TXNDC5: variants seen among roughly 807,000 people sequenced by gnomAD.
TXNDC5 encodes the protein thioredoxin domain-containing protein 5.
Under a neutral mutation model 52.6 loss-of-function variants are expected in TXNDC5, and 44 were observed. The observed-to-expected ratio is 0.84, with a 90% confidence interval of 0.66 to 1.08. The LOEUF is 1.08. TXNDC5 is among the 50% of genes least tolerant of loss of function. The probability of loss-of-function intolerance (pLI) is 0.00; values close to 1 mark genes in which losing one functional copy is unlikely to be tolerated. For missense variants in TXNDC5, 600 were observed against 565.5 expected (o/e 1.06, Z -0.62); for synonymous variants, 241 against 234.4 (o/e 1.03, Z -0.26).
At chr6:7,883,532 G>C (rs953565630) in intron 9 of TXNDC5, among the ~76,000 whole-genome samples, 1 of 152,174 alleles carries the variant, frequency 6.6e-6, no homozygotes. Flanking sequence ...GACGCTTTCA[G>C]TCTTTACTGT....
At chr6:7,910,414 C>T (rs1209714526) in intron 1 of TXNDC5, 100 bp downstream of exon 1, 118 of 1,201,246 alleles carry the variant, frequency 9.8e-5, no homozygotes, top group Middle Eastern at 6.6e-4. Context: ...GAGCCGTCGG[C>T]GTCCACGTGG....
chr6:7,895,273 G>A, intron 3 of TXNDC5, 71 bp from the exon 4 acceptor site: 1 of 1,419,752 alleles, frequency 7.0e-7, no homozygotes, highest in Non-Finnish European at 9.6e-7. Context: ...GGAGGTGACT[G>A]TGTCTGTGGG....
chr6:7,910,349 A>G (rs1470819657), intron 1 of TXNDC5, among the ~76,000 whole-genome samples, 165 bp downstream of exon 1: 1 of 142,300 alleles, frequency 7.0e-6, no homozygotes, highest in East Asian at 2.1e-4. Context: ...CCAGTATTAC[A>G]CCCCGCACCC....
In TXNDC5 at chr6:7,884,460, T is replaced by C. The variant is rs1261443929; in HGVS notation, c.1075A>G (p.Thr359Ala). 4 of 1,614,058 alleles carry C rather than the reference T, an allele frequency of 2.5e-6. No homozygotes were observed. Among genetic ancestry groups the C allele is most frequent in the Non-Finnish European group, 3.4e-6 (4 of 1,179,976 alleles). ...WCGHCKTLAP[T>A]WEELSKKEFP... ...TCCTTTTTAGAGAGTTCCTCCCAAGTAGGAGCCAGAGTCTTACAATGACCA... is the reference window on the plus strand; with the variant it reads ...TCCTTTTTAGAGAGTTCCTCCCAAGCAGGAGCCAGAGTCTTACAATGACCA... Residue 359 changes from threonine to alanine, a missense_variant, in exon 9 of 10, where the codon ACT (threonine) becomes GCT (alanine). Coordinates refer to ENST00000379757, the MANE Select transcript of TXNDC5 (RefSeq NM_030810.5).
chr6:7,884,003 C>T lies in TXNDC5; in HGVS notation c.1176+356G>A, dbSNP rs182563113. Among the ~76,000 whole-genome samples the T allele has an allele frequency of 3.4e-4, 51 of 152,212 alleles. 1 individual carries two copies. Among genetic ancestry groups the T allele is most frequent in the Admixed American group, 1.2e-3 (19 of 15,280 alleles). The stretch of plus-strand genomic sequence containing the variant: ...TGCTGGCTTATGTGTGAAAAATGAG[C>T]GACTCGGGTATTTATGGCAAAGGCT... On this transcript the variant is annotated intron_variant, in intron 9 of 9. Coordinates refer to ENST00000379757, the MANE Select transcript of TXNDC5 (RefSeq NM_030810.5).
At chr6:7,894,932 C>T in intron 4 of TXNDC5, 174 bp downstream of exon 4, 3 of 985,380 alleles carry the variant, frequency 3.0e-6, no homozygotes, top group Non-Finnish European at 2.4e-6. Context: ...AAGGAGAACT[C>T]ATGTTTTAGA....
rs1760494593 is a variant in TXNDC5, at chr6:7,899,611, T to C, written c.484A>G (p.Asn162Asp). The C allele has an allele frequency of 6.2e-7, 1 of 1,614,080 alleles. No homozygotes were observed. Among genetic ancestry groups the C allele is most frequent in the South Asian group, 1.1e-5 (1 of 91,068 alleles). Residue 162 changes from asparagine (N) to aspartate (D), a missense_variant, in exon 3 of 10, where the codon AAC becomes GAC. Asn to Asp is a conservative substitution (Grantham distance 23, BLOSUM62 1). Coordinates refer to ENST00000379757, the MANE Select transcript of TXNDC5 (RefSeq NM_030810.5). The part of the protein sequence containing the change: ...QGPRDFQTLE[N>D]WMLQTLNEEP... ...TCGTTCAGTGTCTGCAGCATCCAGT[T>C]TTCCAGTGTCTGGAAGTCCCGAGGA...
chr6:7,882,145 G>C lies in TXNDC5; in HGVS notation c.*999C>G, dbSNP rs542257315. 1.3e-5 allele frequency: 2 copies of C among 152,728 alleles called. No individual in the cohort carries two copies. Among genetic ancestry groups the C allele is most frequent in the South Asian group, 2.1e-4 (1 of 4,818 alleles). 9.5% of individuals were successfully genotyped at this position (152,728 alleles called of 1,614,324 possible). On this transcript the variant is annotated 3_prime_UTR_variant, in exon 10 of 10. Coordinates refer to ENST00000379757, the MANE Select transcript of TXNDC5 (RefSeq NM_030810.5). ...ACCTCCTTGAAGCAGACCAAGTATA[G>C]CAAGCCTCTAAAAGGACTACTGAGA...
chr6:7,888,670 C>T (rs1164063131), intron 7 of TXNDC5, 35 bp downstream of exon 7: 2 of 1,583,186 alleles, frequency 1.3e-6, no homozygotes, highest in East Asian at 4.5e-5. Flanking sequence ...GGCCACGGGC[C>T]ACTTATGGGG....
In TXNDC5 at chr6:7,889,062, C is replaced by T. The variant is rs551512901; in HGVS notation, c.820-214G>A. The T allele has an allele frequency of 4.2e-4, 240 of 564,898 alleles. 1 individual carries two copies. The highest frequency in any genetic ancestry group is 2.1e-3 in the African/African-American group (112 of 52,122). The allele number at this position is 564,898 out of a possible 1,614,324, so 35.0% of individuals were successfully genotyped here. A position where few individuals can be genotyped will look rare whatever the true frequency, so the allele number is the denominator to read the frequency against. On this transcript the variant is annotated intron_variant, in intron 6 of 9. Transcript: ENST00000379757. Reference sequence around the variant, plus strand: ...ACTGTACAGGCCCCTCTTCCCTCCACGGGGTTACACATCACAGAAGTCTGG... The same window carrying T: ...ACTGTACAGGCCCCTCTTCCCTCCATGGGGTTACACATCACAGAAGTCTGG...
rs1481522644 is a variant in TXNDC5 at position 7,910,584 on chromosome 6, G to GGTGCTTGCTGTGCGGGTCCTGTCC, written c.169_192dup (p.Gly57_His64dup). 7.0e-7 allele frequency: 1 copy of GGTGCTTGCTGTGCGGGTCCTGTCC among 1,432,316 alleles called. No individual in the cohort carries two copies. The highest frequency in any genetic ancestry group is 1.5e-5 in the African/African-American group (1 of 66,440). 88.7% of individuals were successfully genotyped at this position (1,432,316 alleles called of 1,614,324 possible). ...TGCGTGAACATGTCGGCCGTGTACAGGTGCTTGCTGTGCGGGTCCTGTCCG... is the reference window on the plus strand; with the variant it reads ...TGCGTGAACATGTCGGCCGTGTACAGGTGCTTGCTGTGCGGGTCCTGTCCGTGCTTGCTGTGCGGGTCCTGTCCG... On this transcript the variant is annotated inframe_insertion, in exon 1 of 10. Coordinates refer to ENST00000379757, the MANE Select transcript of TXNDC5 (RefSeq NM_030810.5).
intron 2 of TXNDC5, among the ~76,000 whole-genome samples, chr6:7,902,283 T>C (rs1760595843): frequency 6.6e-6 from 1 of 152,202 alleles, no homozygotes; most frequent in African/African-American, 2.4e-5. Context: ...TACAGCAGCC[T>C]AGGAAACTAA....
At chr6:7,892,258 A>T (rs1396968509) in intron 4 of TXNDC5, among the ~76,000 whole-genome samples, 2 of 152,188 alleles carry the variant, frequency 1.3e-5, no homozygotes, top group Admixed American at 1.3e-4. Flanking sequence ...ACTGAAACTG[A>T]TTTTGTCCCC....
chr6:7,883,990 T>C (rs1267950771), intron 9 of TXNDC5, among the ~76,000 whole-genome samples: 6 of 152,102 alleles, frequency 3.9e-5, no homozygotes. Context: ...CTGGCTTATG[T>C]GTGAAAAATG....
At chr6:7,893,037 GTAT>G (rs1760248628) in intron 4 of TXNDC5, among the ~76,000 whole-genome samples, 1 of 152,074 alleles carries the variant, frequency 6.6e-6, no homozygotes, top group Non-Finnish European at 1.5e-5. Flanking sequence ...TTCTCGATCT[GTAT>G]TATATTTTAT....
rs1759819387 is a variant in TXNDC5 at position 7,882,967 on chromosome 6, T to C, written c.*177A>G. The C allele has an allele frequency of 5.3e-6, 4 of 753,188 alleles. No individual in the cohort carries two copies. In the South Asian group the frequency reaches 9.2e-5, roughly 17 times the overall value. 46.7% of individuals were successfully genotyped at this position (753,188 alleles called of 1,614,324 possible). ...ATTTACTTAGAGAAACTTAACTTAA[T>C]AAAGAATCTGTAGAGTGTGTTGGCT... On this transcript the variant is annotated 3_prime_UTR_variant, in exon 10 of 10. Transcript: ENST00000379757.
chr6:7,891,570 T>C lies in TXNDC5; in HGVS notation c.732+51A>G, dbSNP rs536895818. 47 of 1,484,104 alleles carry C rather than the reference T, an allele frequency of 3.2e-5. No individual in the cohort carries two copies. In the South Asian group the frequency reaches 5.0e-4, roughly 16 times the overall value. 91.9% of individuals were successfully genotyped at this position (1,484,104 alleles called of 1,614,324 possible). A position where few individuals can be genotyped will look rare whatever the true frequency, so the allele number is the denominator to read the frequency against. Reference sequence around the variant, plus strand: ...ATGAATAATGGGCCACTCTGCTAATTAATCCAGCCCAAAGCAGTCCATTTC... The same window carrying C: ...ATGAATAATGGGCCACTCTGCTAATCAATCCAGCCCAAAGCAGTCCATTTC... On this transcript the variant is annotated intron_variant, in intron 5 of 9. Transcript: ENST00000379757.
chr6:7,886,010 C>G lies in TXNDC5; in HGVS notation c.997G>C (p.Asp333His). The change falls in exon 8 of 10, where the codon GAT becomes CAT. Residue 333 changes from aspartate to histidine, a missense_variant. By Grantham distance (81) the Asp-to-His change is moderately conservative. Coordinates refer to ENST00000379757, the MANE Select transcript of TXNDC5 (RefSeq NM_030810.5). ...TVLALTENNFDDTIAEGITFI... is the reference protein window; with the variant it reads ...TVLALTENNFHDTIAEGITFI... ...GTTATTCCTTCTGCAATGGTGTCAT[C>G]GAAGTTATTTTCAGTGAGTGCCAAC... The G allele has an allele frequency of 6.2e-7, 1 of 1,614,088 alleles. No homozygotes were observed. The highest frequency in any genetic ancestry group is 8.5e-7 in the Non-Finnish European group (1 of 1,180,008).
rs1759765508 is a variant in TXNDC5, at chr6:7,882,062, A to T, written c.*1082T>A. The T allele has an allele frequency of 6.5e-6, 1 of 152,716 alleles. No homozygotes were observed. The highest frequency in any genetic ancestry group is 1.5e-5 in the Non-Finnish European group (1 of 68,066). The allele number at this position is 152,716 out of a possible 1,614,324, so 9.5% of individuals were successfully genotyped here. A position where few individuals can be genotyped will look rare whatever the true frequency, so the allele number is the denominator to read the frequency against. ...ACACCAGGGCCAGAGCAGCCCACTGACATCTGTCTTTGGTCTTGAGATCAA... is the reference window on the plus strand; with the variant it reads ...ACACCAGGGCCAGAGCAGCCCACTGTCATCTGTCTTTGGTCTTGAGATCAA... On this transcript the variant is annotated 3_prime_UTR_variant, in exon 10 of 10. Coordinates refer to ENST00000379757, the MANE Select transcript of TXNDC5 (RefSeq NM_030810.5).
Sources: gnomAD v4.1 joint callset for allele counts (sites outside exome capture counted in the v4.1 genomes callset) on GRCh38, gnomAD v4.1.1 for gene constraint, MANE v1.5 for transcripts, NCBI Gene and HGNC (gene_info 2026-07-23, HGNC 2026-07-21) for gene names.